RBPMS: variants seen among roughly 807,000 people sequenced by gnomAD.
The protein encoded by RBPMS is RNA-binding protein with multiple splicing.
Under a neutral mutation model 26.8 loss-of-function variants are expected in RBPMS, and 7 were observed. That is an observed-to-expected ratio of 0.26 (90% confidence interval 0.15 to 0.49). The LOEUF (loss-of-function observed/expected upper bound fraction) is 0.49. RBPMS is among the 20% of genes least tolerant of loss of function. The pLI, the probability that RBPMS is intolerant of heterozygous loss-of-function variation, is 0.98. For synonymous variants in RBPMS, 96 were observed against 93.3 expected, an observed-to-expected ratio of 1.03 and a Z score of -0.17; for missense variants, 186 against 250.0, an observed-to-expected ratio of 0.74 and a Z score of 1.73.
chr8:30,514,579 C>G (rs976235587), intron 5 of RBPMS, among the ~76,000 whole-genome samples: 9 of 150,680 alleles, frequency 6.0e-5, no homozygotes, highest in African/African-American at 2.2e-4. Flanking sequence ...GAGTGTCACT[C>G]TGTCACCCAG....
At chr8:30,443,856 A>G (rs1167600654) in intron 1 of RBPMS, among the ~76,000 whole-genome samples, 1 of 151,896 alleles carries the variant, frequency 6.6e-6, no homozygotes, top group Non-Finnish European at 1.5e-5. Context: ...CGGCCTCCCA[A>G]AATGCTGGGA....
intron 1 of RBPMS, among the ~76,000 whole-genome samples, chr8:30,431,076 G>A (rs1811873976): frequency 6.6e-6 from 1 of 152,156 alleles, no homozygotes; most frequent in Admixed American, 6.5e-5. Flanking sequence ...GAATTGAATG[G>A]GAGAGGAGGA....
chr8:30,529,285 A>C (rs1414068721), intron 5 of RBPMS, among the ~76,000 whole-genome samples: 2 of 152,062 alleles, frequency 1.3e-5, no homozygotes, highest in Non-Finnish European at 2.9e-5. Context: ...TGTACAATTC[A>C]GTGACATCAA....
chr8:30,458,864 A>G (rs1160672891), intron 1 of RBPMS, among the ~76,000 whole-genome samples: 1 of 151,848 alleles, frequency 6.6e-6, no homozygotes, highest in Non-Finnish European at 1.5e-5. Context: ...GGCATGGGCC[A>G]CCACATCCAG....
intron 4 of RBPMS, among the ~76,000 whole-genome samples, chr8:30,489,099 T>C (rs1819099157): frequency 6.6e-6 from 1 of 152,154 alleles, no homozygotes; most frequent in African/African-American, 2.4e-5. Context: ...CAGGCTGGAG[T>C]GCAGTGGTGC....
chr8:30,473,013 A>G (rs1429993239), intron 1 of RBPMS, among the ~76,000 whole-genome samples: 3 of 152,214 alleles, frequency 2.0e-5, no homozygotes, highest in South Asian at 2.1e-4. Flanking sequence ...ATGGTTAACA[A>G]TTGAACAATT....
intron 6 of RBPMS, among the ~76,000 whole-genome samples, chr8:30,549,266 A>T (rs147436115): frequency 6.6e-6 from 1 of 152,296 alleles, no homozygotes; most frequent in East Asian, 1.9e-4. Context: ...TGTGAATCTC[A>T]GGTCACTTTA....
At chr8:30,416,995 C>G (rs1810161558) in intron 1 of RBPMS, among the ~76,000 whole-genome samples, 2 of 152,122 alleles carry the variant, frequency 1.3e-5, no homozygotes, top group Admixed American at 6.5e-5. Context: ...GTTTTGAACT[C>G]CTGACCTCAA....
At position 30,536,195 on chromosome 8, in the gene RBPMS, T is replaced by G. The variant is rs564915582; in HGVS notation, c.398-8299T>G. On this transcript the variant is annotated intron_variant, in intron 5 of 8. Coordinates refer to ENST00000397323, the MANE Select transcript of RBPMS (RefSeq NM_001008710.3). ...CAGGCTGGAGTGCAATGGCACGATC[T>G]CGGCTCACCGCAACCTCCGCCTCCC... 6.0e-5 allele frequency among the ~76,000 whole-genome samples: 9 copies of G among 151,116 alleles called. No individual in the cohort carries two copies. The East Asian group carries it at 1.8e-3, about 29-fold the overall frequency.
At chr8:30,450,787 C>CAAAAAAAAAAAAAAAAA (rs59577795) in intron 1 of RBPMS, among the ~76,000 whole-genome samples, 2 of 87,374 alleles carry the variant, frequency 2.3e-5, no homozygotes, top group Non-Finnish European at 4.4e-5. Context: ...TGCCTGAAAG[C>CAAAAAAAAAAAAAAAAA]AAAAAAAAAA....
chr8:30,549,351 AGCTGTG>A, intron 6 of RBPMS: 1 of 680,668 alleles, frequency 1.5e-6, no homozygotes, highest in Non-Finnish European at 2.7e-6. Flanking sequence ...TCTGCTCCAG[AGCTGTG>A]GCTGTGGCTA....
intron 1 of RBPMS, among the ~76,000 whole-genome samples, chr8:30,451,082 C>T (rs1426643634): frequency 6.6e-6 from 1 of 152,108 alleles, no homozygotes; most frequent in East Asian, 1.9e-4. Context: ...ATGTTTCCAT[C>T]CTGGGGTCTT....
intron 6 of RBPMS, chr8:30,545,176 A>T (rs1040008315): frequency 7.7e-7 from 1 of 1,298,320 alleles, no homozygotes; most frequent in African/African-American, 1.5e-5. Flanking sequence ...AACCCTGTAG[A>T]AAAGGAGATA....
chr8:30,524,377 G>C (rs188954365), intron 5 of RBPMS, among the ~76,000 whole-genome samples: 8 of 152,278 alleles, frequency 5.3e-5, no homozygotes, highest in Admixed American at 3.3e-4. Flanking sequence ...CAACAGCCAT[G>C]TACCAGAATA....
chr8:30,416,685 G>A (rs1313278147), intron 1 of RBPMS, among the ~76,000 whole-genome samples: 1 of 152,142 alleles, frequency 6.6e-6, no homozygotes, highest in Non-Finnish European at 1.5e-5. Flanking sequence ...GTGTTAGCCA[G>A]GATGGTCTCG....
At chr8:30,563,758 G>T (rs914147286) in intron 7 of RBPMS, among the ~76,000 whole-genome samples, 2 of 152,186 alleles carry the variant, frequency 1.3e-5, no homozygotes, top group African/African-American at 4.8e-5. Context: ...GGAGCTTAGA[G>T]CTTAACAAGG....
intron 4 of RBPMS, among the ~76,000 whole-genome samples, chr8:30,482,036 C>T (rs1051125174): frequency 6.6e-6 from 1 of 152,172 alleles, no homozygotes; most frequent in African/African-American, 2.4e-5. Flanking sequence ...GTGGCAGTTA[C>T]AGAGTATTTA....
At chr8:30,479,169 G>T in intron 3 of RBPMS, 146 bp from the exon 4 acceptor site, 1 of 642,650 alleles carries the variant, frequency 1.6e-6, no homozygotes, top group Non-Finnish European at 2.7e-6. Flanking sequence ...ACTGAGTCAT[G>T]ATTCTTCGGG....
At chr8:30,516,917 CACACAG>C (rs1481856353) in intron 5 of RBPMS, among the ~76,000 whole-genome samples, 5 of 151,618 alleles carry the variant, frequency 3.3e-5, no homozygotes, top group Non-Finnish European at 5.9e-5. Flanking sequence ...CACACACACA[CACACAG>C]ACACACATGA....
Sources: gnomAD v4.1 joint callset for allele counts (sites outside exome capture counted in the v4.1 genomes callset) on GRCh38, gnomAD v4.1.1 for gene constraint, MANE v1.5 for transcripts, NCBI Gene and HGNC (gene_info 2026-07-23, HGNC 2026-07-21) for gene names.